DACH2: variants seen among roughly 807,000 people sequenced by gnomAD.
DACH2 encodes the protein dachshund homolog 2.
DACH2 carries 17 observed loss-of-function variants against 35.8 expected under a neutral mutation model. That is an observed-to-expected ratio of 0.48 (90% confidence interval 0.33 to 0.71). The LOEUF (loss-of-function observed/expected upper bound fraction) is 0.71, where lower values mean the gene tolerates loss of function less well. DACH2 is among the 30% of genes least tolerant of loss of function. DACH2 has a pLI of 0.02. For synonymous variants in DACH2, 195 were observed against 177.3 expected (o/e 1.10, Z -0.79); for missense variants, 469 against 472.7 (o/e 0.99, Z 0.07).
At chrX:86,773,313 C>T (rs780825616) in intron 7 of DACH2, among the ~76,000 whole-genome samples, 29 of 111,698 alleles carry the variant, frequency 2.6e-4, no homozygotes, top group African/African-American at 7.8e-4. Context: ...GCTTAGTTTT[C>T]ATTGCTTGTA....
At chrX:86,608,389 C>T (rs757622408) in intron 3 of DACH2, among the ~76,000 whole-genome samples, 11 of 111,630 alleles carry the variant, frequency 9.9e-5, no homozygotes, top group Middle Eastern at 9.2e-3. Flanking sequence ...ACTAGAAATA[C>T]CATTTGACCC....
intron 1 of DACH2, among the ~76,000 whole-genome samples, chrX:86,227,410 A>C (rs1602303439): frequency 9.0e-6 from 1 of 111,284 alleles, no homozygotes; most frequent in African/African-American, 3.3e-5. Flanking sequence ...AAATGATACA[A>C]AATTTTCTTT....
At chrX:86,478,263 CTT>C (rs2037879227) in intron 2 of DACH2, among the ~76,000 whole-genome samples, 1 of 111,949 alleles carries the variant, frequency 8.9e-6, no homozygotes, top group Non-Finnish European at 1.9e-5. Context: ...TGAAAGTACT[CTT>C]TTGCATTTCG....
chrX:86,667,476 AAAG>A (rs2040692662), intron 4 of DACH2, among the ~76,000 whole-genome samples: 1 of 101,669 alleles, frequency 9.8e-6, no homozygotes, highest in South Asian at 4.6e-4. Context: ...TGAAAGAAAG[AAAG>A]AAGGAAGGAA....
intron 1 of DACH2, among the ~76,000 whole-genome samples, chrX:86,262,251 G>A (rs985733254): frequency 7.2e-5 from 8 of 111,099 alleles, no homozygotes; most frequent in Admixed American, 1.9e-4. Context: ...TCCTGCCACT[G>A]CACTCCAGCC....
At chrX:86,156,477 A>G (rs1439924703) in intron 1 of DACH2, among the ~76,000 whole-genome samples, 1 of 111,707 alleles carries the variant, frequency 9.0e-6, no homozygotes, top group Non-Finnish European at 1.9e-5. Flanking sequence ...TGAAATTTTA[A>G]ATCCAATATA....
At chrX:86,222,689 T>C (rs1244151095) in intron 1 of DACH2, among the ~76,000 whole-genome samples, 1 of 110,655 alleles carries the variant, frequency 9.0e-6, no homozygotes, top group Non-Finnish European at 1.9e-5. Context: ...TTTCACAATT[T>C]ACACCAGGGT....
chrX:86,632,280 G>A (rs929342034), intron 3 of DACH2, among the ~76,000 whole-genome samples: 10 of 111,250 alleles, frequency 9.0e-5, no homozygotes, highest in African/African-American at 3.3e-4. Flanking sequence ...TTTCCATTTT[G>A]TGTGGACTTT....
At chrX:86,477,329 G>A (rs1021537134) in intron 2 of DACH2, among the ~76,000 whole-genome samples, 80 of 73,189 alleles carry the variant, frequency 1.1e-3, no homozygotes, top group Admixed American at 2.0e-3. Context: ...GAGTTCTTCA[G>A]TGTTGAGTGC....
intron 1 of DACH2, among the ~76,000 whole-genome samples, chrX:86,326,482 T>TAC (rs775373273): frequency 0.066 from 4,790 of 72,589 alleles, 172 homozygotes; most frequent in African/African-American, 0.15. Context: ...GTTAAAAAAT[T>TAC]ATACATACAC....
At chrX:86,769,510 A>G (rs1368690856) in intron 7 of DACH2, among the ~76,000 whole-genome samples, 4 of 112,092 alleles carry the variant, frequency 3.6e-5, no homozygotes, top group Admixed American at 9.5e-5. Flanking sequence ...AGAAAGTTGG[A>G]GGTACCACAT....
intron 1 of DACH2, among the ~76,000 whole-genome samples, chrX:86,159,975 T>A (rs1333232756): frequency 9.0e-6 from 1 of 110,835 alleles, no homozygotes; most frequent in Non-Finnish European, 1.9e-5. Context: ...TGTGACAGAT[T>A]TTGATCAAGT....
chrX:86,678,470 T>TG (rs1321927780), intron 4 of DACH2, among the ~76,000 whole-genome samples: 2 of 112,232 alleles, frequency 1.8e-5, no homozygotes, highest in Non-Finnish European at 3.8e-5. Context: ...TTACTACAGT[T>TG]TTCACTTGGT....
At chrX:86,464,232 C>T (rs371749568) in intron 2 of DACH2, among the ~76,000 whole-genome samples, 2 of 111,257 alleles carry the variant, frequency 1.8e-5, no homozygotes, top group East Asian at 5.6e-4. Context: ...TATGTTTATT[C>T]TGGCACTATT....
chrX:86,686,965 T>C (rs1281768934), intron 4 of DACH2, among the ~76,000 whole-genome samples: 1 of 112,391 alleles, frequency 8.9e-6, no homozygotes, highest in Non-Finnish European at 1.9e-5. Flanking sequence ...TTTGGGACTT[T>C]CCTTGAATTT....
At chrX:86,382,701 C>T (rs187842725) in intron 2 of DACH2, among the ~76,000 whole-genome samples, 1 of 110,483 alleles carries the variant, frequency 9.1e-6, no homozygotes, top group East Asian at 2.9e-4. Context: ...ATAAGTAGTC[C>T]TGGGAAAATG....
At chrX:86,607,694 C>G (rs2039877022) in intron 3 of DACH2, among the ~76,000 whole-genome samples, 1 of 104,100 alleles carries the variant, frequency 9.6e-6, no homozygotes, top group Admixed American at 1.0e-4. Context: ...GCTGCACCCA[C>G]TAACTCGTCA....
intron 4 of DACH2, among the ~76,000 whole-genome samples, chrX:86,667,533 GAAAGAAAGAAAGAAGA>G (rs1360269458): frequency 0.011 from 666 of 59,581 alleles, 4 homozygotes; most frequent in Middle Eastern, 0.017. Context: ...AAGAAAGAAA[GAAAGAAAGAAAGAAGA>G]AAGAAAGAAA....
At chrX:86,291,266 A>T (rs1451635325) in intron 1 of DACH2, among the ~76,000 whole-genome samples, 11 of 104,879 alleles carry the variant, frequency 1.0e-4, no homozygotes, top group Non-Finnish European at 1.6e-4. Flanking sequence ...ATTTTTGTAC[A>T]TTGATTTTGT....
Sources: gnomAD v4.1 joint callset for allele counts (sites outside exome capture counted in the v4.1 genomes callset) on GRCh38, gnomAD v4.1.1 for gene constraint, MANE v1.5 for transcripts, NCBI Gene and HGNC (gene_info 2026-07-23, HGNC 2026-07-21) for gene names.